The following CEP128 variants were observed in gnomAD, a reference collection of about 807,000 sequenced individuals.
CEP128 encodes the protein centrosomal protein 128kDa.
Under a neutral mutation model 156.7 loss-of-function variants are expected in CEP128, and 132 were observed. The observed-to-expected ratio is 0.84, with a 90% CI of 0.73 to 0.97. CEP128 has a LOEUF of 0.97. Among genes scored for constraint, CEP128 ranks in the 50% least tolerant of loss-of-function variants. The probability of loss-of-function intolerance (pLI) is 0.00; values close to 1 mark genes in which losing one functional copy is unlikely to be tolerated. For missense variants in CEP128, 1,252 were observed against 1,281.9 expected, an observed-to-expected ratio of 0.98 and a Z score of 0.36; for synonymous variants, 469 against 448.9, an observed-to-expected ratio of 1.04 and a Z score of -0.57.
At chr14:80,812,546 C>T (rs1884617646) in intron 13 of CEP128, among the ~76,000 whole-genome samples, 1 of 152,128 alleles carries the variant, frequency 6.6e-6, no homozygotes, top group South Asian at 2.1e-4. Context: ...TCCCTTTCTC[C>T]ATAACCTTGC....
intron 21 of CEP128, among the ~76,000 whole-genome samples, chr14:80,553,184 T>A (rs2140347494): frequency 6.6e-6 from 1 of 152,150 alleles, no homozygotes; most frequent in Non-Finnish European, 1.5e-5. Context: ...CACCCACCAA[T>A]CTGTCATTTA....
At chr14:80,694,849 T>A (rs1047783057) in intron 19 of CEP128, among the ~76,000 whole-genome samples, 1 of 151,402 alleles carries the variant, frequency 6.6e-6, no homozygotes, top group East Asian at 1.9e-4. Context: ...CAAACCATCA[T>A]GGCACACGTA....
At chr14:80,496,233 G>C (rs564675832), downstream of CEP128, among the ~76,000 whole-genome samples, 1 of 152,080 alleles carries the variant, frequency 6.6e-6, no homozygotes, top group Non-Finnish European at 1.5e-5. Flanking sequence ...AAAGATTTTT[G>C]AAATGCATAC....
intron 19 of CEP128, among the ~76,000 whole-genome samples, chr14:80,613,008 T>C (rs1177120953): frequency 4.5e-4 from 4 of 8,820 alleles, no homozygotes; most frequent in African/African-American, 5.9e-4. Flanking sequence ...ACCCGGCGAA[T>C]TTTTTTTTTT....
At chr14:80,581,620 T>A (rs1891596697) in intron 19 of CEP128, among the ~76,000 whole-genome samples, 2 of 152,204 alleles carry the variant, frequency 1.3e-5, no homozygotes, top group South Asian at 2.1e-4. Context: ...GATAAGAGAT[T>A]GTTTCTATTC....
At chr14:80,538,494 A>G (rs1267282165) in intron 21 of CEP128, among the ~76,000 whole-genome samples, 1 of 152,024 alleles carries the variant, frequency 6.6e-6, no homozygotes, top group Non-Finnish European at 1.5e-5. Flanking sequence ...GAAATGTGAA[A>G]GAAATTTACA....
intron 8 of CEP128, among the ~76,000 whole-genome samples, chr14:80,874,329 T>C (rs2139276111): frequency 6.6e-6 from 1 of 152,026 alleles, no homozygotes; most frequent in East Asian, 2.0e-4. Context: ...CCAAGTGTCA[T>C]GGTGTACAAC....
chr14:80,843,655 C>A (rs1318687966), intron 9 of CEP128, among the ~76,000 whole-genome samples: 2 of 151,920 alleles, frequency 1.3e-5, no homozygotes, highest in Non-Finnish European at 2.9e-5. Context: ...TTAAGCTTAA[C>A]AGAATATGAT....
At chr14:80,646,222 G>A (rs1427159319) in intron 19 of CEP128, among the ~76,000 whole-genome samples, 1 of 152,092 alleles carries the variant, frequency 6.6e-6, no homozygotes, top group African/African-American at 2.4e-5. Context: ...GTCAATATAG[G>A]TTTATCGATT....
At chr14:80,836,977 T>C (rs1886108759) in intron 11 of CEP128, among the ~76,000 whole-genome samples, 1 of 152,204 alleles carries the variant, frequency 6.6e-6, no homozygotes. Flanking sequence ...AACTGGAGAT[T>C]ATAAGTTAGA....
At chr14:80,721,876 G>A (rs1467984085) in intron 19 of CEP128, among the ~76,000 whole-genome samples, 1 of 152,180 alleles carries the variant, frequency 6.6e-6, no homozygotes, top group East Asian at 1.9e-4. Flanking sequence ...AATTAGGCAA[G>A]TGTTTAAGTT....
chr14:80,948,440 G>A (rs1049646224), intron 2 of CEP128, among the ~76,000 whole-genome samples: 1 of 152,068 alleles, frequency 6.6e-6, no homozygotes, highest in African/African-American at 2.4e-5. Flanking sequence ...TATGCATTTA[G>A]GTCAAAGTGA....
At chr14:80,764,334 T>G (rs1194827494) in intron 16 of CEP128, among the ~76,000 whole-genome samples, 1 of 151,646 alleles carries the variant, frequency 6.6e-6, no homozygotes, top group African/African-American at 2.4e-5. Context: ...CCGTCTCTAC[T>G]AAAAATACAA....
At chr14:80,650,488 C>T (rs1894854976) in intron 19 of CEP128, among the ~76,000 whole-genome samples, 1 of 152,156 alleles carries the variant, frequency 6.6e-6, no homozygotes, top group South Asian at 2.1e-4. Flanking sequence ...GCATCCTTGT[C>T]TTGTGCCAAT....
upstream of CEP128, among the ~76,000 whole-genome samples, chr14:80,944,033 CTT>C (rs1886267956): frequency 6.6e-6 from 1 of 151,078 alleles, no homozygotes; most frequent in Non-Finnish European, 1.5e-5. Flanking sequence ...ATCACTGAAT[CTT>C]TGTTTTTTAT....
intron 2 of CEP128, among the ~76,000 whole-genome samples, chr14:80,920,798 G>A (rs1884816512): frequency 6.6e-6 from 1 of 152,172 alleles, no homozygotes; most frequent in Non-Finnish European, 1.5e-5. Flanking sequence ...CGAGGTTGTA[G>A]GGGAAGGAGC....
intron 20 of CEP128, among the ~76,000 whole-genome samples, chr14:80,573,960 G>A (rs1366229466): frequency 6.6e-6 from 1 of 152,118 alleles, no homozygotes; most frequent in African/African-American, 2.4e-5. Context: ...AGAAGACATA[G>A]AGATACGCAG....
chr14:80,826,461 AG>A (rs1885486524), intron 13 of CEP128, among the ~76,000 whole-genome samples: 1 of 152,188 alleles, frequency 6.6e-6, no homozygotes, highest in Non-Finnish European at 1.5e-5. Flanking sequence ...GTCTCCAAAA[AG>A]GGTTTAATCT....
At chr14:80,857,097 A>G (rs561575320) in intron 9 of CEP128, among the ~76,000 whole-genome samples, 2 of 152,046 alleles carry the variant, frequency 1.3e-5, no homozygotes, top group Non-Finnish European at 2.9e-5. Flanking sequence ...ATAATATTCA[A>G]TGTATATGAA....
Sources: gnomAD v4.1 joint callset for allele counts (sites outside exome capture counted in the v4.1 genomes callset) on GRCh38, gnomAD v4.1.1 for gene constraint, MANE v1.5 for transcripts, NCBI Gene and HGNC (gene_info 2026-07-23, HGNC 2026-07-21) for gene names.